Variants in SGPL1 observed in about 807,000 individuals in gnomAD.
SGPL1 encodes the protein SP-lyase 1.
A neutral mutation model predicts 68.9 loss-of-function variants in SGPL1; 37 were observed. The observed-to-expected ratio is 0.54, with a 90% confidence interval of 0.41 to 0.71. SGPL1 has a LOEUF of 0.71. Ranked by LOEUF, SGPL1 falls within the 30% of genes least tolerant of loss-of-function variation. The pLI, the probability that SGPL1 is intolerant of heterozygous loss-of-function variation, is 0.00. For synonymous variants in SGPL1, 236 were observed against 248.5 expected (o/e 0.95, Z 0.47); for missense variants, 551 against 704.6 (o/e 0.78, Z 2.47).
chr10:70,835,137 G>A (rs928509275), intron 2 of SGPL1, among the ~76,000 whole-genome samples: 18 of 152,292 alleles, frequency 1.2e-4, no homozygotes, highest in South Asian at 4.2e-4. Context: ...ACTGTCAAAA[G>A]TATAGGCAAT....
chr10:70,873,709 A>C, intron 12 of SGPL1, 120 bp downstream of exon 12: 1 of 754,482 alleles, frequency 1.3e-6, no homozygotes, highest in Non-Finnish European at 2.3e-6. Context: ...TGCGATATAG[A>C]GGGCTTAGGG....
At chr10:70,872,316 G>A (rs914260851) in intron 11 of SGPL1, among the ~76,000 whole-genome samples, 2 of 152,216 alleles carry the variant, frequency 1.3e-5, no homozygotes, top group African/African-American at 2.4e-5. Context: ...GCTGATTTGA[G>A]GTGGAGGGTA....
At chr10:70,861,495 C>T (rs1323685552) in intron 7 of SGPL1, among the ~76,000 whole-genome samples, 1 of 152,134 alleles carries the variant, frequency 6.6e-6, no homozygotes, top group Non-Finnish European at 1.5e-5. Flanking sequence ...TCCTCACAGC[C>T]CTCGCTCGCT....
At chr10:70,846,734 A>C (rs536349962) in intron 3 of SGPL1, among the ~76,000 whole-genome samples, 1 of 152,376 alleles carries the variant, frequency 6.6e-6, no homozygotes, top group African/African-American at 2.4e-5. Flanking sequence ...TGCTATGATT[A>C]ATATTAATTT....
chr10:70,849,734 A>G (rs1471034621), intron 3 of SGPL1, among the ~76,000 whole-genome samples: 1 of 152,186 alleles, frequency 6.6e-6, no homozygotes, highest in Non-Finnish European at 1.5e-5. Flanking sequence ...GAATTTCCAG[A>G]TCTCCTAGGA....
intron 2 of SGPL1, among the ~76,000 whole-genome samples, 191 bp downstream of exon 2, chr10:70,817,071 G>C (rs1315402698): frequency 6.6e-6 from 1 of 152,222 alleles, no homozygotes; most frequent in Non-Finnish European, 1.5e-5. Context: ...CCAGACTGGG[G>C]TGCAGTGGCA....
At chr10:70,876,731 T>C in intron 14 of SGPL1, 70 bp downstream of exon 14, 1 of 1,406,224 alleles carries the variant, frequency 7.1e-7, no homozygotes, top group Non-Finnish European at 9.8e-7. Flanking sequence ...GAAGGAATCA[T>C]ATGACCCGGA....
chr10:70,869,798 T>A lies in SGPL1; in HGVS notation c.711T>A (p.Ala237=). 6.2e-7 allele frequency: 1 copy of A among 1,613,832 alleles called. No individual in the cohort carries two copies. Residue 237 remains alanine, a synonymous_variant, in exon 9 of 15, where the codon GCT becomes GCA. Coordinates refer to ENST00000373202, the MANE Select transcript of SGPL1 (RefSeq NM_003901.4). Reference sequence around the variant, plus strand: ...CCTCTTCCCTGTCATTTAGTGTGGCTCCCCAAAGTGCCCATGCTGCATTTA... The same window carrying A: ...CCTCTTCCCTGTCATTTAGTGTGGCACCCCAAAGTGCCCATGCTGCATTTA... ...EKGIKTPEIV[A]PQSAHAAFNK...
At chr10:70,869,733 AT>A in intron 8 of SGPL1, 58 bp from the exon 9 acceptor site, 1 of 1,256,984 alleles carries the variant, frequency 8.0e-7, no homozygotes, top group Non-Finnish European at 1.1e-6. Flanking sequence ...TTAGCTGCTA[AT>A]GGTGTTTTCT....
chr10:70,874,496 G>T (rs1165407553), intron 12 of SGPL1, among the ~76,000 whole-genome samples: 2 of 152,172 alleles, frequency 1.3e-5, no homozygotes, highest in Non-Finnish European at 1.5e-5. Flanking sequence ...AGGCTGAGGC[G>T]GGTGGATCAC....
chr10:70,876,685 T>G (rs764722840), intron 14 of SGPL1, 24 bp downstream of exon 14: 7 of 1,600,516 alleles, frequency 4.4e-6, no homozygotes, highest in Non-Finnish European at 6.0e-6. Flanking sequence ...GAGTTTTTTT[T>G]CTTCTCTTGG....
rs561923535 is a variant in SGPL1, at chr10:70,842,186, A to C, written c.28-2287A>C. On this transcript the variant is annotated intron_variant, in intron 2 of 14. Coordinates refer to ENST00000373202, the MANE Select transcript of SGPL1 (RefSeq NM_003901.4). ...ACCATTCTTCTGTGGGTGGACATTTACATTATTTTTTCCCTTTTGTTAGAG... is the reference window on the plus strand; with the variant it reads ...ACCATTCTTCTGTGGGTGGACATTTCCATTATTTTTTCCCTTTTGTTAGAG... Among the ~76,000 whole-genome samples, 4 of 152,308 alleles carry C rather than the reference A, an allele frequency of 2.6e-5. No individual in the cohort carries two copies. In the South Asian group the frequency reaches 8.3e-4, roughly 32 times the overall value.
At chr10:70,866,272 A>G (rs546570913) in intron 7 of SGPL1, 1 of 152,198 alleles carries the variant, frequency 6.6e-6, no homozygotes, top group South Asian at 2.1e-4. Context: ...CTGTAGTCCC[A>G]GCTACTTTGG....
rs138774599 is a variant in SGPL1 at position 70,819,476 on chromosome 10, A to G, written c.27+2596A>G. 6.1e-3 allele frequency among the ~76,000 whole-genome samples: 927 copies of G among 152,256 alleles called. 5 individuals are homozygous for G. The highest frequency in any genetic ancestry group is 0.021 in the African/African-American group (884 of 41,546). On this transcript the variant is annotated intron_variant, in intron 2 of 14. Transcript: ENST00000373202. ...CAGTGGCACACTAACCCATCATTCT[A>G]TGAGGTGTTTCTCAAGCTACTTTAT... is the stretch of plus-strand genomic sequence containing the variant.
At chr10:70,872,058 T>C (rs1846307541) in intron 11 of SGPL1, 72 bp downstream of exon 11, 7 of 1,453,374 alleles carry the variant, frequency 4.8e-6, no homozygotes, top group Admixed American at 2.0e-5. Context: ...AATTGGTAGC[T>C]TCCCCGCAAA....
chr10:70,867,561 CAAA>C (rs1257961058), intron 7 of SGPL1, among the ~76,000 whole-genome samples: 1 of 101,766 alleles, frequency 9.8e-6, no homozygotes, highest in Admixed American at 1.1e-4. Context: ...GACTCTGTCT[CAAA>C]AAAAAAAAAA....
At chr10:70,864,697 T>A (rs1846147709) in intron 7 of SGPL1, among the ~76,000 whole-genome samples, 1 of 152,218 alleles carries the variant, frequency 6.6e-6, no homozygotes, top group South Asian at 2.1e-4. Flanking sequence ...CATACTACCT[T>A]TTCCCCTGCC....
intron 2 of SGPL1, among the ~76,000 whole-genome samples, chr10:70,832,058 G>A (rs1564619093): frequency 6.6e-6 from 1 of 152,118 alleles, no homozygotes; most frequent in Non-Finnish European, 1.5e-5. Context: ...CAGGAACCAT[G>A]GATGCAAACC....
At chr10:70,823,552 C>A (rs1845379334) in intron 2 of SGPL1, among the ~76,000 whole-genome samples, 8 of 108,618 alleles carry the variant, frequency 7.4e-5, no homozygotes, top group South Asian at 3.5e-4. Flanking sequence ...TTAAAGAAAA[C>A]ACTTTATATT....
Sources: gnomAD v4.1 joint callset for allele counts (sites outside exome capture counted in the v4.1 genomes callset) on GRCh38, gnomAD v4.1.1 for gene constraint, MANE v1.5 for transcripts, NCBI Gene and HGNC (gene_info 2026-07-23, HGNC 2026-07-21) for gene names.